The following SCHIP1 variants were observed in gnomAD, a reference collection of about 807,000 sequenced individuals.
SCHIP1 encodes schwannomin interacting protein 1, also known as schwannomin-interacting protein 1.
SCHIP1 carries 8 observed loss-of-function variants against 29.7 expected under a neutral mutation model. The observed-to-expected ratio is 0.27, with a 90% CI of 0.16 to 0.49. SCHIP1 has a LOEUF of 0.49. Ranked by LOEUF, SCHIP1 falls within the 20% of genes least tolerant of loss-of-function variation. The pLI is 0.99. For missense variants in SCHIP1, 193 were observed against 294.6 expected, an observed-to-expected ratio of 0.66 and a Z score of 2.52; for synonymous variants, 76 against 94.9, an observed-to-expected ratio of 0.80 and a Z score of 1.16.
At chr3:159,665,546 T>TTGTG in the SCHIP1 span, among the ~76,000 whole-genome samples, 368 of 147,562 alleles carry the variant, frequency 2.5e-3, no homozygotes, top group African/African-American at 7.6e-3. Flanking sequence ...GTTTTTGGGG[T>TTGTG]TGTGTGTGTG....
chr3:159,658,274 G>A, the SCHIP1 span, among the ~76,000 whole-genome samples: 1 of 152,152 alleles, frequency 6.6e-6, no homozygotes, highest in African/African-American at 2.4e-5. Flanking sequence ...CCAGGTGACA[G>A]TATCATGGAG....
At chr3:159,632,668 T>C in the SCHIP1 span, among the ~76,000 whole-genome samples, 1 of 152,306 alleles carries the variant, frequency 6.6e-6, no homozygotes, top group East Asian at 1.9e-4. Context: ...AATTGGATCA[T>C]CAAGCAAAGA....
the SCHIP1 span, among the ~76,000 whole-genome samples, chr3:159,567,671 A>G: frequency 2.0e-5 from 3 of 152,164 alleles, no homozygotes; most frequent in East Asian, 3.8e-4. Flanking sequence ...TAATTGCTAT[A>G]GCTTTATAAT....
the SCHIP1 span, among the ~76,000 whole-genome samples, chr3:159,399,678 A>AAT: frequency 1.8e-3 from 275 of 151,318 alleles, 3 homozygotes; most frequent in African/African-American, 5.6e-3. Flanking sequence ...CCTGAGAATG[A>AAT]ATATATATAT....
chr3:159,302,371 C>T, the SCHIP1 span, among the ~76,000 whole-genome samples: 3 of 152,126 alleles, frequency 2.0e-5, no homozygotes, highest in South Asian at 4.2e-4. Context: ...AGAAGAAACT[C>T]GGAAAGTAAA....
chr3:159,854,528 C>G (rs1713083500), intron 1 of SCHIP1, among the ~76,000 whole-genome samples: 3 of 152,118 alleles, frequency 2.0e-5, no homozygotes, highest in Admixed American at 2.0e-4. Context: ...TTGTGTTTTT[C>G]ATCCCTTGTG....
At chr3:159,789,683 C>G in the SCHIP1 span, among the ~76,000 whole-genome samples, 1 of 152,332 alleles carries the variant, frequency 6.6e-6, no homozygotes, top group African/African-American at 2.4e-5. Flanking sequence ...AGGGATCATA[C>G]TTTGAGAATG....
the SCHIP1 span, among the ~76,000 whole-genome samples, chr3:159,623,724 G>C: frequency 1.3e-5 from 2 of 152,170 alleles, no homozygotes; most frequent in South Asian, 4.1e-4. Flanking sequence ...CAGGCTGTAG[G>C]GTACTTGTAT....
chr3:159,364,924 T>G, the SCHIP1 span, among the ~76,000 whole-genome samples: 1 of 152,238 alleles, frequency 6.6e-6, no homozygotes, highest in Non-Finnish European at 1.5e-5. Flanking sequence ...GGGCTGTTCA[T>G]TCATTGCCTT....
chr3:159,472,044 A>G, the SCHIP1 span, among the ~76,000 whole-genome samples: 1 of 152,186 alleles, frequency 6.6e-6, no homozygotes, highest in South Asian at 2.1e-4. Context: ...GAAGATATTC[A>G]TTGAAACCTT....
At chr3:159,729,086 T>A in the SCHIP1 span, among the ~76,000 whole-genome samples, 1 of 151,488 alleles carries the variant, frequency 6.6e-6, no homozygotes, top group Non-Finnish European at 1.5e-5. Flanking sequence ...AGGCAGAGGT[T>A]GCAGTGAGCT....
chr3:159,850,423 G>A (rs1391105370), intron 1 of SCHIP1, among the ~76,000 whole-genome samples: 8 of 151,742 alleles, frequency 5.3e-5, no homozygotes, highest in East Asian at 1.9e-4. Context: ...GCGTGGTGGC[G>A]GGCACCTGTA....
the SCHIP1 span, among the ~76,000 whole-genome samples, chr3:159,591,274 T>C: frequency 2.6e-5 from 4 of 152,190 alleles, no homozygotes; most frequent in Non-Finnish European, 5.9e-5. Flanking sequence ...TCTTGCCTGA[T>C]TGCCCTGGCC....
chr3:159,699,461 G>C, the SCHIP1 span, among the ~76,000 whole-genome samples: 1 of 152,198 alleles, frequency 6.6e-6, no homozygotes, highest in Non-Finnish European at 1.5e-5. Context: ...GTAACACCCA[G>C]GAAGGAGTGT....
At chr3:159,639,872 T>C in the SCHIP1 span, among the ~76,000 whole-genome samples, 15 of 152,276 alleles carry the variant, frequency 9.9e-5, no homozygotes, top group African/African-American at 3.4e-4. Flanking sequence ...TTCTGAAAAA[T>C]AGGACACTAC....
At chr3:159,762,216 T>C in the SCHIP1 span, among the ~76,000 whole-genome samples, 1 of 152,126 alleles carries the variant, frequency 6.6e-6, no homozygotes, top group East Asian at 1.9e-4. Flanking sequence ...TAAAAGACAA[T>C]TTAAATAATC....
chr3:159,598,631 TCA>T, the SCHIP1 span, among the ~76,000 whole-genome samples: 1 of 152,184 alleles, frequency 6.6e-6, no homozygotes, highest in Non-Finnish European at 1.5e-5. Flanking sequence ...GCACCTGCCT[TCA>T]CAGACTGGTG....
At chr3:159,875,523 A>C (rs576053901) in intron 2 of SCHIP1, among the ~76,000 whole-genome samples, 1 of 152,328 alleles carries the variant, frequency 6.6e-6, no homozygotes, top group South Asian at 2.1e-4. Flanking sequence ...ATTATTTTTC[A>C]TTGGTGCATC....
chr3:159,570,794 A>G, the SCHIP1 span, among the ~76,000 whole-genome samples: 2 of 152,158 alleles, frequency 1.3e-5, no homozygotes, highest in Non-Finnish European at 2.9e-5. Flanking sequence ...ATATTCTTCC[A>G]TTTATTTGTA....
Sources: allele counts gnomAD v4.1 joint callset (sites outside exome capture counted in the v4.1 genomes callset), GRCh38; gene constraint gnomAD v4.1.1; transcripts MANE v1.5; gene names NCBI Gene and HGNC (gene_info 2026-07-23, HGNC 2026-07-21).